SCFD2: variants seen among roughly 807,000 people sequenced by gnomAD.
SCFD2 encodes the protein sec1 family domain containing 2, also known as sec1 family domain-containing protein 2.
A neutral mutation model predicts 58.9 loss-of-function variants in SCFD2; 54 were observed. That is an observed-to-expected ratio of 0.92 (90% CI 0.74 to 1.15). The LOEUF is 1.15. SCFD2 is among the 50% of genes most tolerant of loss of function. The probability of loss-of-function intolerance (pLI) is 0.00; values close to 1 mark genes in which losing one functional copy is unlikely to be tolerated. For missense variants in SCFD2, 805 were observed against 836.6 expected, an observed-to-expected ratio of 0.96 and a Z score of 0.47; for synonymous variants, 321 against 335.9, an observed-to-expected ratio of 0.96 and a Z score of 0.49.
At chr4:52,988,587 T>C (rs1306663856) in intron 5 of SCFD2, among the ~76,000 whole-genome samples, 1 of 152,182 alleles carries the variant, frequency 6.6e-6, no homozygotes, top group African/African-American at 2.4e-5. Flanking sequence ...CTTCTTTTTA[T>C]AGTCTGGATC....
chr4:53,323,676 A>G (rs4864748), intron 2 of SCFD2, among the ~76,000 whole-genome samples: 108,331 of 151,586 alleles, frequency 0.71, 38,879 homozygotes, highest in Middle Eastern at 0.8. Context: ...CAATGTGCCT[A>G]GCCTTTCCTT....
At chr4:53,345,954 A>AG (rs943733486) in intron 2 of SCFD2, among the ~76,000 whole-genome samples, 8 of 149,152 alleles carry the variant, frequency 5.4e-5, no homozygotes, top group African/African-American at 2.0e-4. Context: ...TGAGTGGATT[A>AG]GGGGGGGCTT....
chr4:52,956,473 C>T (rs1720715497), intron 5 of SCFD2: 2 of 344,492 alleles, frequency 5.8e-6, no homozygotes, highest in Admixed American at 3.9e-5. Context: ...TGGGACAGTG[C>T]AACGAGGACT....
intron 6 of SCFD2, among the ~76,000 whole-genome samples, chr4:52,911,900 G>A (rs1719495578): frequency 1.3e-5 from 2 of 152,218 alleles, no homozygotes; most frequent in South Asian, 4.1e-4. Context: ...AGGGAGACCA[G>A]AAGGCAGGAA....
chr4:52,943,220 TTAAAC>T (rs1720336884), intron 5 of SCFD2, among the ~76,000 whole-genome samples: 1 of 142,660 alleles, frequency 7.0e-6, no homozygotes, highest in East Asian at 1.9e-4. Flanking sequence ...AACTCATGCC[TTAAAC>T]AAAACAAAAC....
At chr4:53,028,705 C>T (rs190187009) in intron 5 of SCFD2, among the ~76,000 whole-genome samples, 9 of 152,132 alleles carry the variant, frequency 5.9e-5, no homozygotes, top group Admixed American at 2.0e-4. Context: ...AAGCTCTTCC[C>T]CGGGGTTTTA....
chr4:53,140,036 C>T (rs1486705585), intron 5 of SCFD2, among the ~76,000 whole-genome samples: 2 of 151,738 alleles, frequency 1.3e-5, no homozygotes, highest in Non-Finnish European at 2.9e-5. Context: ...TCACCACTCC[C>T]TAATCTCAAG....
intron 4 of SCFD2, among the ~76,000 whole-genome samples, chr4:53,253,916 CA>C (rs113461622): frequency 3.7e-4 from 52 of 141,484 alleles, no homozygotes; most frequent in Admixed American, 4.9e-4. Context: ...ATAACAAAGT[CA>C]AAAAAAAAAA....
chr4:53,303,329 T>C (rs147203907), intron 3 of SCFD2, among the ~76,000 whole-genome samples: 38,332 of 152,090 alleles, frequency 0.25, 5,295 homozygotes, highest in Non-Finnish European at 0.32. Context: ...GACATTTATG[T>C]AGCCAAAAAA....
rs140568798 is a variant in SCFD2, at chr4:53,163,764, A to G, written c.1312-18182T>C. On this transcript the variant is annotated intron_variant, in intron 4 of 8. Coordinates refer to ENST00000401642, the MANE Select transcript of SCFD2 (RefSeq NM_152540.4). The stretch of plus-strand genomic sequence containing the variant: ...CAGAGGGGAGGAGAGAGGAGAAGAG[A>G]GAACCAAAGAGGAAGTGAGATGACT... Among the ~76,000 whole-genome samples, 902 of 152,242 alleles carry G rather than the reference A, an allele frequency of 5.9e-3. 5 individuals carry two copies. Among genetic ancestry groups the G allele is most frequent in the African/African-American group, 0.021 (864 of 41,548 alleles).
At chr4:53,099,453 C>T (rs1279943011) in intron 5 of SCFD2, among the ~76,000 whole-genome samples, 1 of 152,124 alleles carries the variant, frequency 6.6e-6, no homozygotes, top group Non-Finnish European at 1.5e-5. Flanking sequence ...GAAGGAATAT[C>T]TAAGGCTGGG....
intron 5 of SCFD2, among the ~76,000 whole-genome samples, chr4:52,964,770 C>G (rs937944363): frequency 6.6e-6 from 1 of 151,150 alleles, no homozygotes; most frequent in Non-Finnish European, 1.5e-5. Context: ...CCATCAAGTG[C>G]AGTTTGTTGT....
At chr4:52,899,059 G>C (rs1232830996) in intron 7 of SCFD2, among the ~76,000 whole-genome samples, 1 of 152,044 alleles carries the variant, frequency 6.6e-6, no homozygotes, top group East Asian at 1.9e-4. Flanking sequence ...ATGTGAGATG[G>C]GTTTCCTGAA....
chr4:53,081,174 G>A (rs1724136392), intron 5 of SCFD2, among the ~76,000 whole-genome samples: 1 of 152,082 alleles, frequency 6.6e-6, no homozygotes, highest in African/African-American at 2.4e-5. Flanking sequence ...CAACATCTAG[G>A]TAATTGTTGT....
At chr4:53,311,290 T>C (rs1443691927) in intron 3 of SCFD2, among the ~76,000 whole-genome samples, 1 of 152,234 alleles carries the variant, frequency 6.6e-6, no homozygotes, top group Non-Finnish European at 1.5e-5. Flanking sequence ...CTCTGTTTTT[T>C]TCCTTCTTTC....
Position 53,329,334 on chromosome 4 carries a change from T to C in SCFD2, c.1008-15571A>G, listed in dbSNP as rs550598345. ...AAGACAGCAGTAACCTCTGCAGACT[T>C]AAATGTCCCTGTCTGACAGCTTTGA... On this transcript the variant is annotated intron_variant, in intron 2 of 8. Transcript: ENST00000401642. Among the ~76,000 whole-genome samples, 153 of 152,090 alleles carry C rather than the reference T, an allele frequency of 1.0e-3. 1 individual carries two copies. Among genetic ancestry groups the C allele is most frequent in the African/African-American group, 3.5e-3 (145 of 41,472 alleles).
At chr4:53,192,416 A>G (rs1226107902) in intron 4 of SCFD2, among the ~76,000 whole-genome samples, 1 of 152,230 alleles carries the variant, frequency 6.6e-6, no homozygotes, top group Non-Finnish European at 1.5e-5. Flanking sequence ...CTGCAGAGTA[A>G]CATGAAATCA....
At chr4:53,255,197 T>TTTATTTATTTATTTATTTA (rs1553892849) in intron 4 of SCFD2, among the ~76,000 whole-genome samples, 5 of 140,680 alleles carry the variant, frequency 3.6e-5, no homozygotes, top group East Asian at 2.0e-4. Context: ...TTTTTTTCTT[T>TTTATTTATTTATTTATTTA]TTTATTTATT....
intron 5 of SCFD2, among the ~76,000 whole-genome samples, chr4:53,067,615 C>T (rs1253283858): frequency 6.6e-6 from 1 of 151,892 alleles, no homozygotes; most frequent in African/African-American, 2.4e-5. Context: ...AGGGACTTCC[C>T]CCTTCTCTTG....
Sources: gnomAD v4.1 joint callset for allele counts (sites outside exome capture counted in the v4.1 genomes callset) on GRCh38, gnomAD v4.1.1 for gene constraint, MANE v1.5 for transcripts, NCBI Gene and HGNC (gene_info 2026-07-23, HGNC 2026-07-21) for gene names.